PROCR: variants seen among roughly 807,000 people sequenced by gnomAD.
PROCR encodes the protein endothelial protein C receptor.
PROCR carries 22 observed loss-of-function variants against 24.2 expected under a neutral mutation model. That is an observed-to-expected ratio of 0.91 (90% CI 0.65 to 1.30). The LOEUF is 1.30. Ranked by LOEUF, PROCR falls within the 50% of genes most tolerant of loss-of-function variation. The pLI, the probability that PROCR is intolerant of heterozygous loss-of-function variation, is 0.00. For synonymous variants in PROCR, 137 were observed against 139.2 expected, an observed-to-expected ratio of 0.98 and a Z score of 0.11; for missense variants, 288 against 307.7, an observed-to-expected ratio of 0.94 and a Z score of 0.48.
At chr20:35,190,650 A>C (rs1244559446) in intron 1 of PROCR, among the ~76,000 whole-genome samples, 1 of 152,228 alleles carries the variant, frequency 6.6e-6, no homozygotes, top group Non-Finnish European at 1.5e-5. Flanking sequence ...TCCAGGGAAC[A>C]GATTAATGAA....
chr20:35,193,307 T>C (rs1323198937), intron 1 of PROCR, among the ~76,000 whole-genome samples: 4 of 152,072 alleles, frequency 2.6e-5, no homozygotes, highest in Non-Finnish European at 4.4e-5. Flanking sequence ...CCCCGAGTAG[T>C]TGGGCCTACA....
intron 1 of PROCR, among the ~76,000 whole-genome samples, chr20:35,210,428 T>C (rs1250385602): frequency 6.6e-6 from 1 of 151,896 alleles, no homozygotes; most frequent in Non-Finnish European, 1.5e-5. Context: ...ACGCCTGTAG[T>C]CTCAGCTACT....
At chr20:35,186,140 T>C (rs2146157811) in intron 1 of PROCR, among the ~76,000 whole-genome samples, 1 of 152,262 alleles carries the variant, frequency 6.6e-6, no homozygotes, top group South Asian at 2.1e-4. Context: ...TTATTCCTAA[T>C]AGCCAAAAAT....
intron 1 of PROCR, among the ~76,000 whole-genome samples, chr20:35,209,728 A>G (rs147484644): frequency 0.018 from 2,676 of 152,272 alleles, 34 homozygotes; most frequent in Non-Finnish European, 0.023. Context: ...GGTGGTAATT[A>G]CAAAGAAATC....
chr20:35,215,125 G>A (rs1423517318), intron 1 of PROCR, among the ~76,000 whole-genome samples: 1 of 152,038 alleles, frequency 6.6e-6, no homozygotes, highest in Non-Finnish European at 1.5e-5. Context: ...GGTCAGGCTG[G>A]TCTCAAACTC....
At chr20:35,200,729 A>G (rs1446149066) in intron 1 of PROCR, among the ~76,000 whole-genome samples, 1 of 152,114 alleles carries the variant, frequency 6.6e-6, no homozygotes, top group Non-Finnish European at 1.5e-5. Flanking sequence ...TCACTGCAAT[A>G]TGCACCTCCT....
chr20:35,205,044 G>A (rs527958998), intron 1 of PROCR, among the ~76,000 whole-genome samples: 20 of 151,668 alleles, frequency 1.3e-4, no homozygotes, highest in African/African-American at 2.7e-4. Flanking sequence ...AGGGTGAAGC[G>A]GGCAGATCAC....
chr20:35,189,265 C>CG (rs36094360), intron 1 of PROCR, among the ~76,000 whole-genome samples: 432 of 146,660 alleles, frequency 2.9e-3, no homozygotes, highest in South Asian at 3.6e-3. Context: ...GAACGCATTC[C>CG]GGGGGGGGGC....
intron 1 of PROCR, among the ~76,000 whole-genome samples, chr20:35,191,905 G>A (rs200892702): frequency 3.3e-5 from 5 of 152,166 alleles, no homozygotes; most frequent in South Asian, 2.1e-4. Context: ...ACCATGGGGG[G>A]AAACAAAGTT....
intron 1 of PROCR, among the ~76,000 whole-genome samples, chr20:35,205,148 T>C (rs915612740): frequency 6.6e-5 from 10 of 151,630 alleles, no homozygotes; most frequent in Admixed American, 5.9e-4. Flanking sequence ...TGGTGTGCAC[T>C]AGTAGTCCCA....
chr20:35,213,729 A>G (rs1303808919), intron 1 of PROCR, among the ~76,000 whole-genome samples: 1 of 152,216 alleles, frequency 6.6e-6, no homozygotes, highest in Non-Finnish European at 1.5e-5. Flanking sequence ...AAGAGATAAT[A>G]TATCCACATG....
At chr20:35,207,730 A>G (rs577521700) in intron 1 of PROCR, among the ~76,000 whole-genome samples, 5 of 151,884 alleles carry the variant, frequency 3.3e-5, no homozygotes, top group Non-Finnish European at 7.4e-5. Flanking sequence ...GGGTTTCTCC[A>G]TGTTGGTCAG....
intron 1 of PROCR, among the ~76,000 whole-genome samples, chr20:35,206,740 C>T (rs1013699431): frequency 1.3e-5 from 2 of 152,126 alleles, no homozygotes; most frequent in African/African-American, 4.8e-5. Flanking sequence ...CTGCCACTCT[C>T]ATAAATTACT....
chr20:35,209,013 T>C (rs150202252), intron 1 of PROCR, among the ~76,000 whole-genome samples: 1 of 152,176 alleles, frequency 6.6e-6, no homozygotes, highest in Non-Finnish European at 1.5e-5. Flanking sequence ...GCCTACTATA[T>C]GCCAGAAATA....
At position 35,176,914 on chromosome 20, in the gene PROCR, G is replaced by T; in HGVS notation, c.*101G>T. The T allele has an allele frequency of 6.5e-7, 1 of 1,542,684 alleles. No individual in the cohort carries two copies. ...AGACTCCCCAACTGAAACACCAGAAGGTTTGGAGTGACAGCTCCTTTCTTC... is the reference window on the plus strand; with the variant it reads ...AGACTCCCCAACTGAAACACCAGAATGTTTGGAGTGACAGCTCCTTTCTTC... On this transcript the variant is annotated 3_prime_UTR_variant, in exon 4 of 4. Coordinates refer to ENST00000216968, the MANE Select transcript of PROCR (RefSeq NM_006404.5).
chr20:35,176,868 GT>G lies in PROCR; in HGVS notation c.*58del. On this transcript the variant is annotated 3_prime_UTR_variant, in exon 4 of 4. Coordinates refer to ENST00000216968, the MANE Select transcript of PROCR (RefSeq NM_006404.5). Reference sequence around the variant, plus strand: ...GATTGATGGAGGCTGGCAAGGGAAAGTTTCAGCTCACTGTGAAGCCAGACTC... The same window carrying G: ...GATTGATGGAGGCTGGCAAGGGAAAGTTCAGCTCACTGTGAAGCCAGACTC... 1 of 1,592,344 alleles carries G rather than the reference GT, an allele frequency of 6.3e-7. No homozygotes were observed. The highest frequency in any genetic ancestry group is 8.6e-7 in the Non-Finnish European group (1 of 1,168,526).
chr20:35,196,713 A>C (rs2086219362), intron 1 of PROCR, among the ~76,000 whole-genome samples: 1 of 152,260 alleles, frequency 6.6e-6, no homozygotes, highest in African/African-American at 2.4e-5. Flanking sequence ...CCTGTTCTGA[A>C]AGAAATGCTA....
chr20:35,210,850 T>C (rs1280470020), intron 1 of PROCR, among the ~76,000 whole-genome samples: 1 of 151,976 alleles, frequency 6.6e-6, no homozygotes, highest in Non-Finnish European at 1.5e-5. Context: ...GTAGCTGCGA[T>C]TACTGGCACG....
chr20:35,205,838 CAT>C (rs985275312), intron 1 of PROCR, among the ~76,000 whole-genome samples: 1 of 127,112 alleles, frequency 7.9e-6, no homozygotes, highest in African/African-American at 3.2e-5. Flanking sequence ...TCTACATATA[CAT>C]ATATACATGT....
Sources: allele counts gnomAD v4.1 joint callset (sites outside exome capture counted in the v4.1 genomes callset), GRCh38; gene constraint gnomAD v4.1.1; transcripts MANE v1.5; gene names NCBI Gene and HGNC (gene_info 2026-07-23, HGNC 2026-07-21).